The following IGF1R variants were observed in gnomAD, a reference collection of about 807,000 sequenced individuals.
IGF1R encodes insulin-like growth factor 1 receptor.
Under a neutral mutation model 144.6 loss-of-function variants are expected in IGF1R, and 44 were observed. The ratio of observed to expected loss-of-function variants is 0.30; its 90% CI spans 0.24 to 0.39. IGF1R has a LOEUF of 0.39. Ranked by LOEUF, IGF1R falls within the 10% of genes least tolerant of loss-of-function variation. IGF1R has a pLI of 1.00. For synonymous variants in IGF1R, 795 were observed against 722.8 expected (o/e 1.10, Z -1.60); for missense variants, 1,355 against 1,833.7 (o/e 0.74, Z 4.77).
chr15:98,649,460 TGGAGGG>T lies in IGF1R; in HGVS notation c.-117_-112del. The stretch of plus-strand genomic sequence containing the variant: ...GTATTGTTTCCTTCGCCCTTGTTTT[TGGAGGG>T]GGAGCGAAGACTGAGTTTGAGACTT... On this transcript the variant is annotated 5_prime_UTR_variant, in exon 1 of 21. Transcript: ENST00000650285. The T allele has an allele frequency of 1.4e-6, 1 of 704,392 alleles. No homozygotes were observed. The highest frequency in any genetic ancestry group is 2.3e-6 in the Non-Finnish European group (1 of 426,468). 43.6% of individuals were successfully genotyped at this position (704,392 alleles called of 1,614,324 possible). A position where few individuals can be genotyped will look rare whatever the true frequency, so the allele number is the denominator to read the frequency against.
intron 1 of IGF1R, among the ~76,000 whole-genome samples, chr15:98,674,707 G>A (rs1320061387): frequency 6.6e-6 from 1 of 152,024 alleles, no homozygotes; most frequent in Admixed American, 6.6e-5. Context: ...TAGAAAATAA[G>A]TTTTCTGTCT....
chr15:98,909,993 TTGTA>T (rs1195650870), intron 6 of IGF1R, among the ~76,000 whole-genome samples: 2 of 152,040 alleles, frequency 1.3e-5, no homozygotes, highest in Non-Finnish European at 2.9e-5. Context: ...AAAAAGTAAT[TTGTA>T]TGATGAAGGG....
chr15:98,753,286 G>A lies in IGF1R; in HGVS notation c.640+45179G>A, dbSNP rs558141210. On this transcript the variant is annotated intron_variant, in intron 2 of 20. Transcript: ENST00000650285. ...GGCTGGCGTGCAGTGGCACGATCTC[G>A]GCTCACTGCAGCCTTGACCTCCTCT... 3.2e-3 allele frequency among the ~76,000 whole-genome samples: 476 copies of A among 150,120 alleles called. 3 individuals carry two copies. The highest frequency in any genetic ancestry group is 0.011 in the African/African-American group (461 of 40,784).
Position 98,964,358 on chromosome 15 carries a change from G to A in IGF1R, c.*6916G>A. ...ATTTCAAAATGTTTTTGTATATTCT[G>A]TTGTAAGAATTTATTCCTGTTATTG... On this transcript the variant is annotated 3_prime_UTR_variant, in exon 21 of 21. Coordinates refer to ENST00000650285, the MANE Select transcript of IGF1R (RefSeq NM_000875.5). 1 of 230,676 alleles carries A rather than the reference G, an allele frequency of 4.3e-6. No homozygotes were observed. The highest frequency in any genetic ancestry group is 8.6e-6 in the Non-Finnish European group (1 of 116,424). The allele number at this position is 230,676 out of a possible 1,614,324, so 14.3% of individuals were successfully genotyped here. A position where few individuals can be genotyped will look rare whatever the true frequency, so the allele number is the denominator to read the frequency against.
At chr15:98,797,869 GA>G (rs965818752) in intron 2 of IGF1R, among the ~76,000 whole-genome samples, 8 of 152,150 alleles carry the variant, frequency 5.3e-5, no homozygotes, top group African/African-American at 1.9e-4. Context: ...TAAGTGCTAT[GA>G]AAAAAATACA....
At chr15:98,659,564 GT>G (rs2052555984) in intron 1 of IGF1R, among the ~76,000 whole-genome samples, 1 of 152,208 alleles carries the variant, frequency 6.6e-6, no homozygotes, top group African/African-American at 2.4e-5. Flanking sequence ...CTGGGCTACA[GT>G]TTTGGATTAA....
At chr15:98,744,229 G>A (rs957099043) in intron 2 of IGF1R, among the ~76,000 whole-genome samples, 2 of 152,032 alleles carry the variant, frequency 1.3e-5, no homozygotes, top group Non-Finnish European at 2.9e-5. Flanking sequence ...AGGGACCCAG[G>A]TGGCTCCAGC....
At chr15:98,887,125 G>T (rs930333127) in intron 2 of IGF1R, among the ~76,000 whole-genome samples, 2 of 152,094 alleles carry the variant, frequency 1.3e-5, no homozygotes, top group Non-Finnish European at 2.9e-5. Context: ...GATTTTTCCT[G>T]GTTGGTTTTA....
intron 2 of IGF1R, among the ~76,000 whole-genome samples, chr15:98,857,466 A>C (rs1223593029): frequency 6.6e-6 from 1 of 152,174 alleles, no homozygotes; most frequent in Non-Finnish European, 1.5e-5. Context: ...TGATCCACCC[A>C]CCTCGGCTTT....
intron 1 of IGF1R, among the ~76,000 whole-genome samples, chr15:98,691,050 CCT>C (rs1376079040): frequency 1.3e-5 from 2 of 152,172 alleles, no homozygotes; most frequent in South Asian, 2.1e-4. Flanking sequence ...AACAGCTTCG[CCT>C]CTGTTAACAT....
At chr15:98,735,238 C>T (rs531074465) in intron 2 of IGF1R, among the ~76,000 whole-genome samples, 1 of 152,256 alleles carries the variant, frequency 6.6e-6, no homozygotes, top group South Asian at 2.1e-4. Context: ...CTTTCATTTC[C>T]CAGGGAAGAA....
At chr15:98,747,386 CA>C (rs1237939058) in intron 2 of IGF1R, among the ~76,000 whole-genome samples, 2 of 152,088 alleles carry the variant, frequency 1.3e-5, no homozygotes, top group Non-Finnish European at 2.9e-5. Context: ...TTAGTAGAGA[CA>C]GGGTTTCACT....
chr15:98,648,729 C>T lies in IGF1R; in HGVS notation c.-853C>T, dbSNP rs1416707336. ...CCCACGGCCGGCGCTCGCAGACCCT[C>T]GGCCCCGCTCCCCGGATCCCCCCGC... On this transcript the variant is annotated 5_prime_UTR_variant, in exon 1 of 21. Coordinates refer to ENST00000650285, the MANE Select transcript of IGF1R (RefSeq NM_000875.5). 8.1e-5 allele frequency among the ~76,000 whole-genome samples: 12 copies of T among 147,572 alleles called. No homozygotes were observed. In the South Asian group the frequency reaches 1.2e-3, roughly 15 times the overall value.
At chr15:98,840,380 G>A (rs1938592481) in intron 2 of IGF1R, among the ~76,000 whole-genome samples, 1 of 152,206 alleles carries the variant, frequency 6.6e-6, no homozygotes, top group Non-Finnish European at 1.5e-5. Flanking sequence ...AACCAATGGG[G>A]AACGGTGAGT....
intron 2 of IGF1R, among the ~76,000 whole-genome samples, chr15:98,878,263 G>T (rs2013163712): frequency 6.6e-6 from 1 of 152,196 alleles, no homozygotes; most frequent in Non-Finnish European, 1.5e-5. Flanking sequence ...GGCCTGCCTT[G>T]TTAGGAAATC....
rs1415659142 is a variant in IGF1R, at chr15:98,681,548, C to T, written c.95-26014C>T. The stretch of plus-strand genomic sequence containing the variant: ...TGGATATGTGAGCCATAGAAGACAG[C>T]TTGGATGGCATCTGATGCTTCCTGG... On this transcript the variant is annotated intron_variant, in intron 1 of 20. Transcript: ENST00000650285. Among the ~76,000 whole-genome samples, 5 of 152,238 alleles carry T rather than the reference C, an allele frequency of 3.3e-5. No homozygotes were observed. In the East Asian group the frequency reaches 9.7e-4, roughly 29 times the overall value.
chr15:98,760,323 G>T (rs1037564890), intron 2 of IGF1R, among the ~76,000 whole-genome samples: 12 of 151,612 alleles, frequency 7.9e-5, no homozygotes, highest in Non-Finnish European at 1.8e-4. Context: ...TTGCACTCCA[G>T]CCTGAGCAAC....
intron 2 of IGF1R, among the ~76,000 whole-genome samples, chr15:98,888,355 T>C (rs2013739768): frequency 6.6e-6 from 1 of 152,308 alleles, no homozygotes; most frequent in East Asian, 1.9e-4. Context: ...TCTTTAGATC[T>C]TGGACCTTGA....
At chr15:98,718,881 T>G (rs2054182863) in intron 2 of IGF1R, among the ~76,000 whole-genome samples, 1 of 151,938 alleles carries the variant, frequency 6.6e-6, no homozygotes, top group Non-Finnish European at 1.5e-5. Flanking sequence ...GTATTAGTTG[T>G]AATGCAGAGA....
Sources: gnomAD v4.1 joint callset for allele counts (sites outside exome capture counted in the v4.1 genomes callset) on GRCh38, gnomAD v4.1.1 for gene constraint, MANE v1.5 for transcripts, NCBI Gene and HGNC (gene_info 2026-07-23, HGNC 2026-07-21) for gene names.